The following CDCA5 variants were observed in gnomAD, a reference collection of about 807,000 sequenced individuals.
The protein encoded by CDCA5 is cell division cycle associated 5, also known as sororin.
In CDCA5, 14 loss-of-function variants were observed where a neutral mutation model predicts 25.7. The observed-to-expected ratio is 0.54, with a 90% CI of 0.36 to 0.85. The LOEUF (loss-of-function observed/expected upper bound fraction) is 0.85, where lower values mean the gene tolerates loss of function less well. CDCA5 is among the 40% of genes least tolerant of loss of function. CDCA5 has a pLI of 0.01. For missense variants in CDCA5, 307 were observed against 324.5 expected, an observed-to-expected ratio of 0.95 and a Z score of 0.41; for synonymous variants, 127 against 128.7, an observed-to-expected ratio of 0.99 and a Z score of 0.09.
At chr11:65,073,920 G>A (rs774945358), downstream of CDCA5, among the ~76,000 whole-genome samples, 16 of 152,154 alleles carry the variant, frequency 1.1e-4, no homozygotes, top group Non-Finnish European at 1.6e-4. Flanking sequence ...ACTCAAGGTG[G>A]AGAATCTGAT....
chr11:65,067,569 G>A (rs573316373), intron 4 of CDCA5: 88 of 745,798 alleles, frequency 1.2e-4, no homozygotes, highest in South Asian at 2.3e-4. Flanking sequence ...CACCAGCCAC[G>A]TGGGCCCTGA....
Sources: gnomAD v4.1 joint callset for allele counts (sites outside exome capture counted in the v4.1 genomes callset) on GRCh38, gnomAD v4.1.1 for gene constraint, MANE v1.5 for transcripts, NCBI Gene and HGNC (gene_info 2026-07-23, HGNC 2026-07-21) for gene names.